The following GALNT17 variants were observed in gnomAD, a reference collection of about 807,000 sequenced individuals.
The protein encoded by GALNT17 is polypeptide N-acetylgalactosaminyltransferase 17, also known as UDP-GalNAc:polypeptide N-acetylgalactosaminyltransferase-like 3.
Under a neutral mutation model 63.7 loss-of-function variants are expected in GALNT17, and 29 were observed. The observed-to-expected ratio is 0.46, with a 90% CI of 0.34 to 0.62. The LOEUF (loss-of-function observed/expected upper bound fraction) is 0.62. Ranked by LOEUF, GALNT17 falls within the 20% of genes least tolerant of loss-of-function variation. The pLI is 0.01. For synonymous variants in GALNT17, 305 were observed against 318.3 expected, an observed-to-expected ratio of 0.96 and a Z score of 0.45; for missense variants, 603 against 799.6, an observed-to-expected ratio of 0.75 and a Z score of 2.97.
At chr7:71,460,344 G>T (rs1787431592) in intron 5 of GALNT17, among the ~76,000 whole-genome samples, 1 of 152,058 alleles carries the variant, frequency 6.6e-6, no homozygotes, top group Admixed American at 6.6e-5. Flanking sequence ...AAAATTTTTG[G>T]TGAAAAACGA....
chr7:71,379,417 A>G (rs1792802868), intron 2 of GALNT17, among the ~76,000 whole-genome samples: 1 of 152,064 alleles, frequency 6.6e-6, no homozygotes, highest in South Asian at 2.1e-4. Context: ...GAGTGACGTG[A>G]TCATATGTAC....
intron 3 of GALNT17, among the ~76,000 whole-genome samples, chr7:71,400,202 C>T (rs188938745): frequency 4.0e-4 from 61 of 152,020 alleles, no homozygotes; most frequent in South Asian, 2.1e-4. Flanking sequence ...TCTCTGTGTC[C>T]GTGTGTTCTC....
chr7:71,427,096 T>A (rs79867694), intron 5 of GALNT17, among the ~76,000 whole-genome samples: 3 of 150,790 alleles, frequency 2.0e-5, no homozygotes, highest in African/African-American at 7.3e-5. Flanking sequence ...TTTTTTTTTT[T>A]TGAGATGGAG....
At chr7:71,557,873 G>C (rs1489838688) in intron 5 of GALNT17, among the ~76,000 whole-genome samples, 1 of 151,972 alleles carries the variant, frequency 6.6e-6, no homozygotes, top group Non-Finnish European at 1.5e-5. Context: ...AGGAGATCGA[G>C]ACCATCCTGG....
At chr7:71,372,152 A>G (rs1009458397) in intron 2 of GALNT17, among the ~76,000 whole-genome samples, 5 of 151,846 alleles carry the variant, frequency 3.3e-5, no homozygotes, top group Non-Finnish European at 7.4e-5. Flanking sequence ...ACCTAATTAT[A>G]TTCTTTTCTA....
At chr7:71,681,147 C>T (rs1791255676) in intron 9 of GALNT17, among the ~76,000 whole-genome samples, 1 of 152,152 alleles carries the variant, frequency 6.6e-6, no homozygotes, top group Non-Finnish European at 1.5e-5. Context: ...GGGATCCTCC[C>T]ACCTTGGCCT....
chr7:71,424,510 G>A (rs1786723123), intron 5 of GALNT17, among the ~76,000 whole-genome samples: 1 of 152,208 alleles, frequency 6.6e-6, no homozygotes, highest in African/African-American at 2.4e-5. Context: ...ATAAGTTACG[G>A]TAATATTAAC....
intron 6 of GALNT17, 66 bp downstream of exon 6, chr7:71,571,468 C>T (rs896245078): frequency 8.9e-6 from 12 of 1,341,204 alleles, no homozygotes; most frequent in African/African-American, 5.8e-5. Context: ...CTTGGTCATC[C>T]GTGGGGTGTA....
rs573686607 is a variant in GALNT17 at position 71,504,226 on chromosome 7, CAAAAA to C, written c.963-67046_963-67042del. ...TGGGTGACAGAGCGAGACTCCATCTCAAAAAAAAAAAAAAAAATTAGCTGGGCTTG... is the reference window on the plus strand; with the variant it reads ...TGGGTGACAGAGCGAGACTCCATCTCAAAAAAAAAAAATTAGCTGGGCTTG... On this transcript the variant is annotated intron_variant, in intron 5 of 10. Coordinates refer to ENST00000333538, the MANE Select transcript of GALNT17 (RefSeq NM_022479.3). Among the ~76,000 whole-genome samples the C allele has an allele frequency of 9.5e-5, 10 of 105,198 alleles. 1 individual carries two copies. In the South Asian group the frequency reaches 3.1e-3, roughly 32 times the overall value. The allele number at this position is 105,198 out of a possible 152,430, so 69.0% of individuals were successfully genotyped here.
intron 5 of GALNT17, among the ~76,000 whole-genome samples, chr7:71,441,836 T>C (rs2116519896): frequency 6.6e-6 from 1 of 152,368 alleles, no homozygotes; most frequent in Non-Finnish European, 1.5e-5. Flanking sequence ...GGCTGCATAG[T>C]ATTCCATGGT....
chr7:71,149,781 G>C (rs914623697), intron 1 of GALNT17, among the ~76,000 whole-genome samples: 1 of 152,328 alleles, frequency 6.6e-6, no homozygotes, highest in East Asian at 1.9e-4. Context: ...TTGGGCGACT[G>C]TCAGCAAGCC....
chr7:71,141,878 G>GTGTA (rs1787900395), intron 1 of GALNT17, among the ~76,000 whole-genome samples: 1 of 119,100 alleles, frequency 8.4e-6, no homozygotes, highest in Non-Finnish European at 1.8e-5. Context: ...GTGTGTGTGT[G>GTGTA]TATGTGTGTA....
chr7:71,696,142 TTG>T (rs1452935850), intron 9 of GALNT17, among the ~76,000 whole-genome samples: 1 of 152,202 alleles, frequency 6.6e-6, no homozygotes, highest in Non-Finnish European at 1.5e-5. Flanking sequence ...AGATAGGATC[TTG>T]CTCTGTCACC....
intron 1 of GALNT17, among the ~76,000 whole-genome samples, chr7:71,302,144 C>T (rs74672301): frequency 0.014 from 2,171 of 152,022 alleles, 25 homozygotes; most frequent in Middle Eastern, 0.027. Flanking sequence ...AGGGGCTTAA[C>T]GATGAGAATA....
chr7:71,142,164 G>A (rs966024329), intron 1 of GALNT17, among the ~76,000 whole-genome samples: 21 of 152,106 alleles, frequency 1.4e-4, no homozygotes, highest in African/African-American at 4.8e-4. Flanking sequence ...GCCACTATGC[G>A]GGGCCCTCAG....
chr7:71,327,206 C>A (rs186612408), intron 1 of GALNT17, among the ~76,000 whole-genome samples: 2 of 152,162 alleles, frequency 1.3e-5, no homozygotes, highest in Non-Finnish European at 2.9e-5. Context: ...TACATCAGTC[C>A]CTTTTCACGC....
chr7:71,356,315 A>G (rs767932116), intron 2 of GALNT17, among the ~76,000 whole-genome samples: 3 of 152,100 alleles, frequency 2.0e-5, no homozygotes, highest in Non-Finnish European at 4.4e-5. Flanking sequence ...CAAAGGGACC[A>G]TTGTCTGTTA....
chr7:71,424,096 G>T (rs139607874), intron 5 of GALNT17, among the ~76,000 whole-genome samples: 434 of 152,284 alleles, frequency 2.8e-3, no homozygotes, highest in Middle Eastern at 6.8e-3. Flanking sequence ...CACACCAACT[G>T]TTCATCATGC....
At chr7:71,385,223 A>C (rs1792919084) in intron 2 of GALNT17, among the ~76,000 whole-genome samples, 1 of 151,794 alleles carries the variant, frequency 6.6e-6, no homozygotes, top group Non-Finnish European at 1.5e-5. Context: ...TAGACCCTCG[A>C]AAGGGGAGCG....
Sources: gnomAD v4.1 joint callset for allele counts (sites outside exome capture counted in the v4.1 genomes callset) on GRCh38, gnomAD v4.1.1 for gene constraint, MANE v1.5 for transcripts, NCBI Gene and HGNC (gene_info 2026-07-23, HGNC 2026-07-21) for gene names.